The following COL22A1 variants were observed in gnomAD, a reference collection of about 807,000 sequenced individuals.
COL22A1 encodes collagen alpha-1(XXII) chain.
A neutral mutation model predicts 248.9 loss-of-function variants in COL22A1; 221 were observed. That is an observed-to-expected ratio of 0.89 (90% CI 0.80 to 0.99). COL22A1 has a LOEUF of 0.99. Among genes scored for constraint, COL22A1 ranks in the 50% least tolerant of loss-of-function variants. The pLI is 0.00. For missense variants in COL22A1, 2,240 were observed against 2,179.0 expected (o/e 1.03, Z -0.56); for synonymous variants, 891 against 793.4 (o/e 1.12, Z -2.07).
rs1387329555 is a variant in COL22A1 at position 138,594,178 on chromosome 8, G to A, written c.4454C>T (p.Ala1485Val). ...CTTCATGTACGCCGGGGGCATCTGG[G>A]CCAGGAGGTAGGCGAGTCTGGCTGT... is the stretch of plus-strand genomic sequence containing the variant. Reference protein sequence around the residue: ...QLETRLAYLLAQMPPAYMKSS... With the variant: ...QLETRLAYLLVQMPPAYMKSS... The change falls in exon 63 of 65, where the codon GCC (alanine) becomes GTC (valine). Residue 1485 changes from alanine to valine, a missense_variant. Ala to Val is a moderately conservative substitution (Grantham distance 64, BLOSUM62 0). Coordinates refer to ENST00000303045, the MANE Select transcript of COL22A1 (RefSeq NM_152888.3). 7 of 1,571,198 alleles carry A rather than the reference G, an allele frequency of 4.5e-6. No individual in the cohort carries two copies. Among genetic ancestry groups the A allele is most frequent in the Non-Finnish European group, 6.0e-6 (7 of 1,164,882 alleles).
At chr8:138,634,233 C>A (rs552347382) in intron 49 of COL22A1, among the ~76,000 whole-genome samples, 1 of 152,186 alleles carries the variant, frequency 6.6e-6, no homozygotes, top group African/African-American at 2.4e-5. Context: ...CCTAACTGAA[C>A]TTCTTTTCAC....
At chr8:138,767,594 G>T (rs1834008838) in intron 16 of COL22A1, among the ~76,000 whole-genome samples, 1 of 152,220 alleles carries the variant, frequency 6.6e-6, no homozygotes, top group Admixed American at 6.5e-5. Context: ...CTGGACCTCT[G>T]CTCTGAGAAC....
chr8:138,813,328 G>T (rs1818399796), intron 7 of COL22A1, among the ~76,000 whole-genome samples: 1 of 152,052 alleles, frequency 6.6e-6, no homozygotes, highest in Non-Finnish European at 1.5e-5. Context: ...CATGGAGAGG[G>T]TTTCCCCCAT....
chr8:138,718,713 C>A (rs750494967), intron 27 of COL22A1, among the ~76,000 whole-genome samples: 1 of 152,182 alleles, frequency 6.6e-6, no homozygotes, highest in African/African-American at 2.4e-5. Flanking sequence ...GTTGGAAAAG[C>A]GTCATGACCG....
intron 7 of COL22A1, among the ~76,000 whole-genome samples, chr8:138,814,832 C>T: frequency 6.6e-6 from 1 of 152,180 alleles, no homozygotes; most frequent in East Asian, 1.9e-4. Flanking sequence ...ACAGGTGTAA[C>T]TGATACACCT....
intron 18 of COL22A1, among the ~76,000 whole-genome samples, chr8:138,759,620 AT>A (rs1833283533): frequency 6.6e-6 from 1 of 152,166 alleles, no homozygotes; most frequent in Admixed American, 6.5e-5. Context: ...TTTCATGGAC[AT>A]TTTTGTAGGC....
intron 3 of COL22A1, among the ~76,000 whole-genome samples, chr8:138,875,232 C>G (rs567949916): frequency 6.6e-6 from 1 of 152,164 alleles, no homozygotes; most frequent in East Asian, 1.9e-4. Flanking sequence ...ATGGTGAAGC[C>G]CATGTTCTGG....
intron 22 of COL22A1, among the ~76,000 whole-genome samples, chr8:138,739,058 C>A (rs1414420175): frequency 6.6e-6 from 1 of 152,162 alleles, no homozygotes; most frequent in East Asian, 1.9e-4. Context: ...TCCCTTAACA[C>A]ACTTGGCCAT....
chr8:138,693,610 G>T (rs1167011004), intron 35 of COL22A1, 36 bp downstream of exon 35: 4 of 1,559,256 alleles, frequency 2.6e-6, no homozygotes, highest in Non-Finnish European at 3.5e-6. Context: ...TCCCTCCGGG[G>T]CTCCCCCACG....
intron 49 of COL22A1, among the ~76,000 whole-genome samples, chr8:138,634,073 C>T (rs1820944406): frequency 6.6e-6 from 1 of 152,090 alleles, no homozygotes; most frequent in African/African-American, 2.4e-5. Context: ...TGAAAGATGC[C>T]ATGTCATGCT....
In COL22A1 at chr8:138,700,984, G is replaced by A. The variant is rs533347031; in HGVS notation, c.2560-840C>T. Among the ~76,000 whole-genome samples, 38 of 77,646 alleles carry A rather than the reference G, an allele frequency of 4.9e-4. No individual in the cohort carries two copies. The Admixed American group carries it at 7.4e-3, about 15-fold the overall frequency. The allele number at this position is 77,646 out of a possible 152,430, so 50.9% of individuals were successfully genotyped here. ...AGCCTGGGCGACACAGCGAGACTCCGTCTCAAAAAAAAAAAAAAAAAAAAA... is the reference window on the plus strand; with the variant it reads ...AGCCTGGGCGACACAGCGAGACTCCATCTCAAAAAAAAAAAAAAAAAAAAA... On this transcript the variant is annotated intron_variant, in intron 31 of 64. Transcript: ENST00000303045.
At chr8:138,822,462 G>C (rs1819225897) in intron 6 of COL22A1, among the ~76,000 whole-genome samples, 1 of 152,214 alleles carries the variant, frequency 6.6e-6, no homozygotes, top group African/African-American at 2.4e-5. Flanking sequence ...AACATGCCAG[G>C]TGTCAGGAAC....
chr8:138,681,891 A>G (rs1203883439), intron 39 of COL22A1, among the ~76,000 whole-genome samples: 1 of 152,230 alleles, frequency 6.6e-6, no homozygotes, highest in Non-Finnish European at 1.5e-5. Context: ...ACCCTTAGGA[A>G]AAAGCACATT....
chr8:138,611,055 G>A (rs932926526), intron 56 of COL22A1, among the ~76,000 whole-genome samples: 1 of 152,180 alleles, frequency 6.6e-6, no homozygotes, highest in Non-Finnish European at 1.5e-5. Context: ...AACACAGTGA[G>A]AGCCTGTCTC....
intron 60 of COL22A1, among the ~76,000 whole-genome samples, chr8:138,600,979 A>G (rs150866377): frequency 6.5e-4 from 99 of 152,336 alleles, no homozygotes; most frequent in African/African-American, 2.1e-3. Context: ...AGGAGTACAA[A>G]GAAAAGGGTA....
intron 50 of COL22A1, among the ~76,000 whole-genome samples, chr8:138,628,932 A>AT (rs1216931589): frequency 1.3e-5 from 2 of 151,548 alleles, no homozygotes; most frequent in African/African-American, 4.9e-5. Context: ...CGCCCAGCTA[A>AT]TTTTTTGTAT....
chr8:138,869,447 C>T (rs917057645), intron 3 of COL22A1, among the ~76,000 whole-genome samples: 2 of 152,082 alleles, frequency 1.3e-5, no homozygotes, highest in Admixed American at 6.5e-5. Flanking sequence ...GTGTTTGTGT[C>T]GCACAAGCTC....
In COL22A1 at chr8:138,847,777, T is replaced by C. The variant is rs548351304; in HGVS notation, c.659-3619A>G. On this transcript the variant is annotated intron_variant, in intron 3 of 64. Coordinates refer to ENST00000303045, the MANE Select transcript of COL22A1 (RefSeq NM_152888.3). ...GGAAATATCAAACAAGCAATTCCAA[T>C]CCTAGGTGGGAGGCATAAGATTAAA... Among the ~76,000 whole-genome samples, 9 of 150,406 alleles carry C rather than the reference T, an allele frequency of 6.0e-5. No individual in the cohort carries two copies. The East Asian group carries it at 1.6e-3, about 26-fold the overall frequency.
chr8:138,714,786 C>A lies in COL22A1; in HGVS notation c.2517+896G>T, dbSNP rs368539810. Among the ~76,000 whole-genome samples the A allele has an allele frequency of 9.9e-5, 15 of 152,278 alleles. No homozygotes were observed. The East Asian group carries it at 2.5e-3, about 26-fold the overall frequency. ...GGGCTCCACAAATGCCATGATGCCC[C>A]CTTGATTTAGATACAGTCTGCCTGG... On this transcript the variant is annotated intron_variant, in intron 30 of 64. Coordinates refer to ENST00000303045, the MANE Select transcript of COL22A1 (RefSeq NM_152888.3).
Sources: gnomAD v4.1 joint callset for allele counts (sites outside exome capture counted in the v4.1 genomes callset) on GRCh38, gnomAD v4.1.1 for gene constraint, MANE v1.5 for transcripts, NCBI Gene and HGNC (gene_info 2026-07-23, HGNC 2026-07-21) for gene names.